AMOTL1: variants seen among roughly 807,000 people sequenced by gnomAD.
AMOTL1 encodes angiomotin like 1.
In AMOTL1, 45 loss-of-function variants were observed where a neutral mutation model predicts 102.9. That is an observed-to-expected ratio of 0.44 (90% CI 0.34 to 0.56). The LOEUF is 0.56. Among genes scored for constraint, AMOTL1 ranks in the 20% least tolerant of loss-of-function variants. The pLI is 0.01. For synonymous variants in AMOTL1, 481 were observed against 484.7 expected (o/e 0.99, Z 0.10); for missense variants, 1,114 against 1,225.6 (o/e 0.91, Z 1.36).
chr11:94,861,450 T>A (rs1952772922), intron 9 of AMOTL1, among the ~76,000 whole-genome samples: 1 of 152,222 alleles, frequency 6.6e-6, no homozygotes, highest in South Asian at 2.1e-4. Flanking sequence ...TGTGGTCTAG[T>A]GCACTGCTGT....
At chr11:94,819,068 G>A (rs181998696) in intron 3 of AMOTL1, among the ~76,000 whole-genome samples, 98 of 152,174 alleles carry the variant, frequency 6.4e-4, no homozygotes, top group African/African-American at 2.3e-3. Flanking sequence ...TACTAAAAAT[G>A]ATCTTTCCTA....
chr11:94,838,230 T>C (rs570066533), intron 6 of AMOTL1, among the ~76,000 whole-genome samples: 1 of 152,374 alleles, frequency 6.6e-6, no homozygotes, highest in East Asian at 1.9e-4. Context: ...CATCTTCACA[T>C]TGGAGTCCCA....
chr11:94,840,656 A>ATG (rs1952278401), intron 6 of AMOTL1, among the ~76,000 whole-genome samples: 1 of 58,352 alleles, frequency 1.7e-5, no homozygotes, highest in East Asian at 4.2e-4. Flanking sequence ...TAAAAAACGT[A>ATG]TATATATATA....
intron 6 of AMOTL1, among the ~76,000 whole-genome samples, chr11:94,840,164 A>G (rs1952267240): frequency 6.6e-6 from 1 of 152,238 alleles, no homozygotes; most frequent in Non-Finnish European, 1.5e-5. Context: ...TCTCTGGATG[A>G]TAAAAATTAA....
At chr11:94,721,870 T>C (rs1177606927) in intron 1 of AMOTL1, among the ~76,000 whole-genome samples, 1 of 152,160 alleles carries the variant, frequency 6.6e-6, no homozygotes, top group Non-Finnish European at 1.5e-5. Context: ...TGTTTTCACC[T>C]GTTCGGGTAT....
At position 94,876,114 on chromosome 11, in the gene AMOTL1, A is replaced by ATG. The variant is rs1474667623; in HGVS notation, c.*5322_*5323dup. ...TCTGGATGCCCGGTGTTGTGTTTAC[A>ATG]TGTGATTGTGCCTAGGAGTCTGTTC... On this transcript the variant is annotated 3_prime_UTR_variant, in exon 13 of 13. Coordinates refer to ENST00000433060, the MANE Select transcript of AMOTL1 (RefSeq NM_130847.3). The ATG allele has an allele frequency of 1.3e-5, 2 of 152,674 alleles. No homozygotes were observed. The highest frequency in any genetic ancestry group is 2.9e-5 in the Non-Finnish European group (2 of 68,046). The allele number at this position is 152,674 out of a possible 1,614,324, so 9.5% of individuals were successfully genotyped here. A position where few individuals can be genotyped will look rare whatever the true frequency, so the allele number is the denominator to read the frequency against.
At chr11:94,824,828 A>T (rs1024432141) in intron 4 of AMOTL1, among the ~76,000 whole-genome samples, 1 of 152,230 alleles carries the variant, frequency 6.6e-6, no homozygotes, top group Non-Finnish European at 1.5e-5. Flanking sequence ...CAGCATTGGG[A>T]ATGTTTTGGC....
At chr11:94,818,219 G>C in intron 3 of AMOTL1, among the ~76,000 whole-genome samples, 1 of 152,190 alleles carries the variant, frequency 6.6e-6, no homozygotes, top group Non-Finnish European at 1.5e-5. Flanking sequence ...TTGACTTGTA[G>C]AGCCAAATAA....
At chr11:94,787,067 CTAAA>C (rs1951201653) in intron 1 of AMOTL1, among the ~76,000 whole-genome samples, 1 of 151,602 alleles carries the variant, frequency 6.6e-6, no homozygotes, top group Admixed American at 6.6e-5. Flanking sequence ...GGGAAAGAAA[CTAAA>C]TACACAGGCA....
intron 4 of AMOTL1, among the ~76,000 whole-genome samples, chr11:94,828,426 G>T (rs1952008395): frequency 6.6e-6 from 1 of 151,598 alleles, no homozygotes; most frequent in Non-Finnish European, 1.5e-5. Context: ...TGTTAGTTTT[G>T]TCTCTATAAA....
chr11:94,785,546 G>T (rs532174027), intron 1 of AMOTL1, among the ~76,000 whole-genome samples: 2 of 152,138 alleles, frequency 1.3e-5, no homozygotes, highest in African/African-American at 4.8e-5. Flanking sequence ...GGAGATATTG[G>T]TTGTTTAAAT....
intron 3 of AMOTL1, among the ~76,000 whole-genome samples, chr11:94,741,722 T>A (rs185860451): frequency 5.9e-5 from 9 of 152,238 alleles, no homozygotes; most frequent in African/African-American, 2.2e-4. Flanking sequence ...GGCTCTCTTT[T>A]TTTTTTCTTC....
intron 9 of AMOTL1, among the ~76,000 whole-genome samples, chr11:94,860,928 G>A (rs915703409): frequency 1.6e-4 from 24 of 152,102 alleles, no homozygotes; most frequent in African/African-American, 5.6e-4. Flanking sequence ...GCTCATTATC[G>A]ACGTAGGGGA....
chr11:94,816,284 T>G (rs772916039), intron 3 of AMOTL1, among the ~76,000 whole-genome samples: 21 of 152,164 alleles, frequency 1.4e-4, no homozygotes, highest in Admixed American at 6.5e-5. Flanking sequence ...ACACTAAAAA[T>G]GTTTTATCCT....
At chr11:94,850,774 G>A (rs568379139) in intron 7 of AMOTL1, among the ~76,000 whole-genome samples, 3 of 152,302 alleles carry the variant, frequency 2.0e-5, no homozygotes, top group African/African-American at 7.2e-5. Context: ...GTGGCGGCAG[G>A]TGCCTCTGTG....
At chr11:94,820,230 T>C (rs1053801623) in intron 3 of AMOTL1, 2 of 149,168 alleles carry the variant, frequency 1.3e-5, no homozygotes, top group Admixed American at 1.4e-4. Flanking sequence ...TTTCTGAGTG[T>C]TTCTCTTCTG....
At chr11:94,863,024 G>A (rs915344217) in intron 9 of AMOTL1, among the ~76,000 whole-genome samples, 1 of 152,226 alleles carries the variant, frequency 6.6e-6, no homozygotes, top group South Asian at 2.1e-4. Flanking sequence ...TTAGGGGCAT[G>A]GACTTTGGAG....
At chr11:94,742,053 C>T (rs557848325) in intron 3 of AMOTL1, among the ~76,000 whole-genome samples, 48 of 152,276 alleles carry the variant, frequency 3.2e-4, no homozygotes, top group Middle Eastern at 3.4e-3. Context: ...AGGAGCCAAG[C>T]GCCCAAAATA....
In AMOTL1 at chr11:94,874,729, T is replaced by G. The variant is rs993677455; in HGVS notation, c.*3934T>G. ...GGGAAATTCTTCCTCCCCATTGACC[T>G]GAGTCCCAGAGACTTAGGGACACAG... On this transcript the variant is annotated 3_prime_UTR_variant, in exon 13 of 13. Coordinates refer to ENST00000433060, the MANE Select transcript of AMOTL1 (RefSeq NM_130847.3). The G allele has an allele frequency of 2.0e-5, 3 of 152,330 alleles. No individual in the cohort carries two copies. The highest frequency in any genetic ancestry group is 2.1e-4 in the South Asian group (1 of 4,828). The allele number at this position is 152,330 out of a possible 1,614,324, so 9.4% of individuals were successfully genotyped here.
Sources: allele counts gnomAD v4.1 joint callset (sites outside exome capture counted in the v4.1 genomes callset), GRCh38; gene constraint gnomAD v4.1.1; transcripts MANE v1.5; gene names NCBI Gene and HGNC (gene_info 2026-07-23, HGNC 2026-07-21).